Variants in ITGB5 observed in about 807,000 individuals in gnomAD.
ITGB5 encodes integrin beta-5.
A neutral mutation model predicts 84.8 loss-of-function variants in ITGB5; 38 were observed. The observed-to-expected ratio is 0.45, with a 90% CI of 0.35 to 0.59. The LOEUF is 0.59. ITGB5 is among the 20% of genes least tolerant of loss of function. The pLI is 0.01. For missense variants in ITGB5, 905 were observed against 1,034.5 expected (o/e 0.87, Z 1.72); for synonymous variants, 393 against 414.4 (o/e 0.95, Z 0.63).
chr3:124,891,583 A>C (rs1483962308), upstream of ITGB5, among the ~76,000 whole-genome samples: 3 of 141,516 alleles, frequency 2.1e-5, no homozygotes, highest in Non-Finnish European at 4.6e-5. Flanking sequence ...GACAGAGTGC[A>C]TAACTGCCTC....
At chr3:124,798,337 T>C (rs1248259758) in intron 9 of ITGB5, among the ~76,000 whole-genome samples, 2 of 152,016 alleles carry the variant, frequency 1.3e-5, no homozygotes, top group East Asian at 3.9e-4. Context: ...AGGTGTGAGC[T>C]ACTGCGCCCA....
intron 10 of ITGB5, among the ~76,000 whole-genome samples, chr3:124,775,825 C>A (rs773302745): frequency 1.3e-5 from 2 of 152,316 alleles, no homozygotes; most frequent in South Asian, 4.1e-4. Context: ...GCCTCTTCAC[C>A]CGCCACTTAA....
At chr3:124,790,655 G>A (rs929603010) in intron 10 of ITGB5, among the ~76,000 whole-genome samples, 4 of 152,082 alleles carry the variant, frequency 2.6e-5, no homozygotes, top group African/African-American at 9.7e-5. Context: ...ACCCATGCTT[G>A]GATGCTGGCC....
Position 124,859,252 on chromosome 3 carries a change from G to A in ITGB5, c.351C>T (p.Asn117=). 6.2e-7 allele frequency: 1 copy of A among 1,613,964 alleles called. No individual in the cohort carries two copies. The highest frequency in any genetic ancestry group is 8.5e-7 in the Non-Finnish European group (1 of 1,179,932). The part of the protein sequence containing the change: ...IQMTPQEIAV[N]LRPGDKTTFQ... ...CTGTGGGCAACTCACCGGGCCGGAG[G>A]TTCACGGCAATCTCCTGTGGTGTCA... Residue 117 remains asparagine (N), a synonymous_variant, in exon 3 of 15, where the codon AAC becomes AAT. Transcript: ENST00000296181.
At chr3:124,897,039 G>C (rs1352406677) in intron 1 of ITGB5, among the ~76,000 whole-genome samples, 3 of 152,128 alleles carry the variant, frequency 2.0e-5, no homozygotes, top group African/African-American at 7.2e-5. Flanking sequence ...GCCCTTCAGA[G>C]CCTGGCCCCT....
At chr3:124,809,001 C>A (rs2064454346) in intron 9 of ITGB5, 21 bp downstream of exon 9, 2 of 1,610,864 alleles carry the variant, frequency 1.2e-6, no homozygotes, top group Non-Finnish European at 8.5e-7. Flanking sequence ...AGAGTTCATA[C>A]AAACTTGGGG....
At chr3:124,828,359 T>C (rs1408393826) in intron 5 of ITGB5, among the ~76,000 whole-genome samples, 2 of 152,126 alleles carry the variant, frequency 1.3e-5, no homozygotes, top group Admixed American at 1.3e-4. Context: ...AAGGAATGAA[T>C]GGATACACTA....
intron 6 of ITGB5, 118 bp from the exon 7 acceptor site, chr3:124,819,952 G>A (rs1246680474): frequency 1.3e-6 from 1 of 787,560 alleles, no homozygotes; most frequent in Non-Finnish European, 2.3e-6. Flanking sequence ...TTCCTTAGGT[G>A]GCCCCTTAGA....
chr3:124,762,252 T>C lies in ITGB5; in HGVS notation c.*1371A>G, dbSNP rs1483526620. The stretch of plus-strand genomic sequence containing the variant: ...GACAGATCCATTTGGAATGAAAGCA[T>C]AATAACCTTGAAGTTATTCCAGTGA... On this transcript the variant is annotated 3_prime_UTR_variant, in exon 15 of 15. Coordinates refer to ENST00000296181, the MANE Select transcript of ITGB5 (RefSeq NM_002213.5). 2.6e-5 allele frequency: 4 copies of C among 152,226 alleles called. No homozygotes were observed. The highest frequency in any genetic ancestry group is 5.9e-5 in the Non-Finnish European group (4 of 68,030). The allele number at this position is 152,226 out of a possible 1,614,324, so 9.4% of individuals were successfully genotyped here.
At chr3:124,891,218 A>G (rs1176556778), upstream of ITGB5, among the ~76,000 whole-genome samples, 1 of 152,220 alleles carries the variant, frequency 6.6e-6, no homozygotes, top group African/African-American at 2.4e-5. Flanking sequence ...AGTTCTGGGT[A>G]TATCCTCCAA....
At chr3:124,798,357 G>A (rs1221565202) in intron 9 of ITGB5, among the ~76,000 whole-genome samples, 5 of 152,048 alleles carry the variant, frequency 3.3e-5, no homozygotes, top group Admixed American at 2.6e-4. Flanking sequence ...AGTCATTAAA[G>A]CTAATTTTTA....
chr3:124,806,614 T>A (rs2064409055), intron 9 of ITGB5, among the ~76,000 whole-genome samples: 1 of 151,426 alleles, frequency 6.6e-6, no homozygotes. Flanking sequence ...TTTTTTGTAT[T>A]TTTTAGTAGA....
intron 9 of ITGB5, among the ~76,000 whole-genome samples, chr3:124,801,856 A>G (rs977953049): frequency 6.6e-6 from 1 of 150,902 alleles, no homozygotes; most frequent in Non-Finnish European, 1.5e-5. Context: ...TCCCCAGCCC[A>G]CTCCTCTTGC....
At chr3:124,784,413 G>C (rs915270212) in intron 10 of ITGB5, among the ~76,000 whole-genome samples, 2 of 152,190 alleles carry the variant, frequency 1.3e-5, no homozygotes, top group Non-Finnish European at 2.9e-5. Context: ...GCTGAGGTGG[G>C]AGGATAGCTT....
chr3:124,855,789 C>T (rs1024622163), intron 3 of ITGB5, among the ~76,000 whole-genome samples: 5 of 152,128 alleles, frequency 3.3e-5, no homozygotes, highest in African/African-American at 7.2e-5. Flanking sequence ...CATAGGATCA[C>T]GGTTTCCATT....
chr3:124,848,598 A>G (rs980845128), intron 3 of ITGB5, 40 bp from the exon 4 acceptor site: 4 of 1,587,038 alleles, frequency 2.5e-6, no homozygotes, highest in South Asian at 1.1e-5. Context: ...GAGGTTGTGC[A>G]ACCTGCTGAG....
intron 9 of ITGB5, among the ~76,000 whole-genome samples, chr3:124,808,430 G>A (rs533596189): frequency 6.6e-6 from 1 of 152,310 alleles, no homozygotes; most frequent in South Asian, 2.1e-4. Context: ...CTGTGTTCTT[G>A]TTGCCCACAT....
intron 2 of ITGB5, among the ~76,000 whole-genome samples, chr3:124,860,260 C>T (rs1224101206): frequency 6.6e-6 from 1 of 151,954 alleles, no homozygotes; most frequent in Non-Finnish European, 1.5e-5. Flanking sequence ...CATAGCATAT[C>T]ACTTCAATAG....
chr3:124,785,943 G>A (rs2064076454), intron 10 of ITGB5, among the ~76,000 whole-genome samples: 1 of 152,188 alleles, frequency 6.6e-6, no homozygotes, highest in Admixed American at 6.5e-5. Flanking sequence ...AGTAAATTTA[G>A]GTAGAAATGA....
Sources: allele counts gnomAD v4.1 joint callset (sites outside exome capture counted in the v4.1 genomes callset), GRCh38; gene constraint gnomAD v4.1.1; transcripts MANE v1.5; gene names NCBI Gene and HGNC (gene_info 2026-07-23, HGNC 2026-07-21).